ELAVL2: variants seen among roughly 807,000 people sequenced by gnomAD.
ELAVL2 encodes ELAV like RNA binding protein 2.
In ELAVL2, 4 loss-of-function variants were observed where a neutral mutation model predicts 34.6. That is an observed-to-expected ratio of 0.12 (90% CI 0.06 to 0.26). ELAVL2 has a LOEUF of 0.26. ELAVL2 is among the 10% of genes least tolerant of loss of function. The pLI is 1.00. For missense variants in ELAVL2, 432 were observed against 442.8 expected, an observed-to-expected ratio of 0.98 and a Z score of 0.22; for synonymous variants, 193 against 154.8, an observed-to-expected ratio of 1.25 and a Z score of -1.83.
At chr9:23,777,082 T>C (rs1322779764) in intron 1 of ELAVL2, among the ~76,000 whole-genome samples, 2 of 152,208 alleles carry the variant, frequency 1.3e-5, no homozygotes, top group Non-Finnish European at 2.9e-5. Context: ...GTAGAGTAGA[T>C]TTAACATGTA....
chr9:23,729,968 G>A (rs1205874115), intron 3 of ELAVL2, among the ~76,000 whole-genome samples: 1 of 152,070 alleles, frequency 6.6e-6, no homozygotes, highest in East Asian at 1.9e-4. Context: ...CACCACTTCA[G>A]GCTATAGTCT....
chr9:23,781,681 A>C (rs1362546347), intron 1 of ELAVL2, among the ~76,000 whole-genome samples: 1 of 151,446 alleles, frequency 6.6e-6, no homozygotes, highest in African/African-American at 2.4e-5. Context: ...CACCCCGCTA[A>C]TTTTTTAAAT....
the ELAVL2 span, among the ~76,000 whole-genome samples, chr9:23,848,577 C>CA: frequency 6.6e-6 from 1 of 151,910 alleles, no homozygotes; most frequent in Non-Finnish European, 1.5e-5. Flanking sequence ...GTAGAATAGG[C>CA]AAAAAATAAG....
At chr9:23,702,276 A>AT (rs56038130) in intron 4 of ELAVL2, among the ~76,000 whole-genome samples, 12,783 of 152,162 alleles carry the variant, frequency 0.084, 584 homozygotes, top group Middle Eastern at 0.1. Flanking sequence ...AAAGACGTAG[A>AT]TTTTAAAAAT....
intron 3 of ELAVL2, among the ~76,000 whole-genome samples, chr9:23,721,673 AT>A (rs901713974): frequency 3.3e-5 from 5 of 152,122 alleles, no homozygotes; most frequent in African/African-American, 9.7e-5. Flanking sequence ...TTAATATGGG[AT>A]TTTAGACCAA....
rs564240521 is a variant in ELAVL2, at chr9:23,799,484, G to A, written c.-16+26322C>T. Among the ~76,000 whole-genome samples the A allele has an allele frequency of 3.9e-5, 6 of 152,344 alleles. 1 individual carries two copies. The highest frequency in any genetic ancestry group is 1.4e-4 in the African/African-American group (6 of 41,574). ...TTGTACTCTTACTCCACCCCACCAC[G>A]TGAGTGGGGAAAAGCAGAGTTTTGA... On this transcript the variant is annotated intron_variant, in intron 1 of 6. Transcript: ENST00000397312.
intron 2 of ELAVL2, among the ~76,000 whole-genome samples, chr9:23,760,932 T>C (rs978284166): frequency 2.0e-5 from 3 of 151,936 alleles, no homozygotes; most frequent in Non-Finnish European, 4.4e-5. Context: ...TAGCTCAAAG[T>C]CCCATGTATG....
intron 1 of ELAVL2, among the ~76,000 whole-genome samples, chr9:23,801,683 C>T (rs545413127): frequency 1.3e-5 from 2 of 152,314 alleles, no homozygotes; most frequent in African/African-American, 4.8e-5. Context: ...AGAATGTTCA[C>T]GCATTAGTTA....
At chr9:23,719,635 G>C (rs553017540) in intron 3 of ELAVL2, among the ~76,000 whole-genome samples, 69 of 152,132 alleles carry the variant, frequency 4.5e-4, no homozygotes, top group Non-Finnish European at 2.8e-4. Flanking sequence ...TTTGCATATA[G>C]CAAAAAATTT....
chr9:23,808,129 A>G (rs1017854639), intron 1 of ELAVL2, among the ~76,000 whole-genome samples: 1 of 152,156 alleles, frequency 6.6e-6, no homozygotes, highest in Non-Finnish European at 1.5e-5. Flanking sequence ...TTATGCCTAT[A>G]AAATTAAAAA....
At chr9:23,844,060 T>G in the ELAVL2 span, among the ~76,000 whole-genome samples, 2 of 152,066 alleles carry the variant, frequency 1.3e-5, no homozygotes, top group African/African-American at 4.8e-5. Context: ...ACTGTTACAT[T>G]TCTTTAAAAT....
chr9:23,742,288 A>C (rs2049400960), intron 2 of ELAVL2, among the ~76,000 whole-genome samples: 1 of 152,194 alleles, frequency 6.6e-6, no homozygotes, highest in African/African-American at 2.4e-5. Flanking sequence ...CCCCCGACCA[A>C]GCTAAGCTGC....
At chr9:23,759,754 T>TTA (rs774471922) in intron 2 of ELAVL2, among the ~76,000 whole-genome samples, 10,088 of 80,930 alleles carry the variant, frequency 0.12, 602 homozygotes, top group Non-Finnish European at 0.16. Flanking sequence ...ATATATAGTA[T>TTA]TATATATATA....
At chr9:23,789,909 G>T (rs1279815602) in intron 1 of ELAVL2, among the ~76,000 whole-genome samples, 1 of 152,086 alleles carries the variant, frequency 6.6e-6, no homozygotes, top group African/African-American at 2.4e-5. Flanking sequence ...ACCCTTTCCT[G>T]AATGTATACA....
At chr9:23,781,354 C>T (rs938163143) in intron 1 of ELAVL2, among the ~76,000 whole-genome samples, 5 of 152,120 alleles carry the variant, frequency 3.3e-5, no homozygotes, top group African/African-American at 1.2e-4. Context: ...TACACATAAA[C>T]ACACACACTC....
rs1286144693 is a variant in ELAVL2 at position 23,691,631 on chromosome 9, T to C, written c.*926A>G. 1 of 152,598 alleles carries C rather than the reference T, an allele frequency of 6.6e-6. No homozygotes were observed. Among genetic ancestry groups the C allele is most frequent in the African/African-American group, 2.4e-5 (1 of 41,454 alleles). The allele number at this position is 152,598 out of a possible 1,614,324, so 9.5% of individuals were successfully genotyped here. A position where few individuals can be genotyped will look rare whatever the true frequency, so the allele number is the denominator to read the frequency against. ...TCAATGTGAGCCACCTATCACATAA[T>C]AACCAGGATGATCAGACGCTCCACT... On this transcript the variant is annotated 3_prime_UTR_variant, in exon 7 of 7. Coordinates refer to ENST00000397312, the MANE Select transcript of ELAVL2 (RefSeq NM_004432.5).
intron 2 of ELAVL2, among the ~76,000 whole-genome samples, chr9:23,741,754 C>G (rs1295220880): frequency 6.8e-6 from 1 of 146,476 alleles, no homozygotes; most frequent in Non-Finnish European, 1.5e-5. Flanking sequence ...GATCCTGCAC[C>G]ACTTCTGCAC....
chr9:23,776,071 G>C (rs912558759), intron 1 of ELAVL2, among the ~76,000 whole-genome samples: 1 of 152,148 alleles, frequency 6.6e-6, no homozygotes. Flanking sequence ...GTGGTTTTAT[G>C]TTCCCTGCCA....
At chr9:23,847,554 G>A in the ELAVL2 span, 5 of 151,870 alleles carry the variant, frequency 3.3e-5, no homozygotes, top group Non-Finnish European at 5.9e-5. Flanking sequence ...GAAAAATATC[G>A]GAACATGACC....
Sources: gnomAD v4.1 joint callset for allele counts (sites outside exome capture counted in the v4.1 genomes callset) on GRCh38, gnomAD v4.1.1 for gene constraint, MANE v1.5 for transcripts, NCBI Gene and HGNC (gene_info 2026-07-23, HGNC 2026-07-21) for gene names.